NFIC: variants seen among roughly 807,000 people sequenced by gnomAD.
NFIC encodes nuclear factor I C, also known as nuclear factor 1 C-type.
In NFIC, 12 loss-of-function variants were observed where a neutral mutation model predicts 54.4. That is an observed-to-expected ratio of 0.22 (90% confidence interval 0.14 to 0.36). The LOEUF (loss-of-function observed/expected upper bound fraction) is 0.36. NFIC is among the 10% of genes least tolerant of loss of function. The probability of loss-of-function intolerance (pLI) is 1.00; values close to 1 mark genes in which losing one functional copy is unlikely to be tolerated. For missense variants in NFIC, 575 were observed against 718.2 expected (o/e 0.80, Z 2.28); for synonymous variants, 322 against 319.2 (o/e 1.01, Z -0.09).
At chr19:3,447,846 A>G (rs1286361684) in intron 6 of NFIC, among the ~76,000 whole-genome samples, 1 of 152,088 alleles carries the variant, frequency 6.6e-6, no homozygotes, top group Non-Finnish European at 1.5e-5. Flanking sequence ...AGGGAAGCCG[A>G]TGTTTGGTGG....
chr19:3,443,258 C>T (rs1194020475), intron 6 of NFIC, among the ~76,000 whole-genome samples: 1 of 151,886 alleles, frequency 6.6e-6, no homozygotes. Flanking sequence ...CCTGTCTCTA[C>T]AAAAAAATAC....
At chr19:3,414,465 C>T (rs999804049) in intron 2 of NFIC, among the ~76,000 whole-genome samples, 3 of 151,824 alleles carry the variant, frequency 2.0e-5, no homozygotes, top group Admixed American at 6.6e-5. Context: ...CGTGGTGGCA[C>T]GTGCCTGTAG....
chr19:3,404,475 C>T (rs1246976432), intron 2 of NFIC, among the ~76,000 whole-genome samples: 3 of 152,118 alleles, frequency 2.0e-5, no homozygotes, highest in South Asian at 2.1e-4. Context: ...TTGGCAAGGC[C>T]GCCCTGCTGT....
chr19:3,463,310 C>T lies in NFIC; in HGVS notation c.*541C>T. On this transcript the variant is annotated 3_prime_UTR_variant, in exon 11 of 11. Coordinates refer to ENST00000443272, the MANE Select transcript of NFIC (RefSeq NM_001245002.2). ...TGCCGGACACGGACCGGCCCCTCAG[C>T]CCCCACCGAGGACGCAGCCACTGGG... 1.0e-6 allele frequency: 1 copy of T among 987,702 alleles called. No homozygotes were observed. Among genetic ancestry groups the T allele is most frequent in the Non-Finnish European group, 1.2e-6 (1 of 831,684 alleles). The allele number at this position is 987,702 out of a possible 1,614,324, so 61.2% of individuals were successfully genotyped here.
intron 2 of NFIC, among the ~76,000 whole-genome samples, chr19:3,413,913 C>T (rs1466199747): frequency 6.6e-6 from 1 of 152,054 alleles, no homozygotes; most frequent in African/African-American, 2.4e-5. Flanking sequence ...CCTAGCATTT[C>T]AACGACCTGA....
chr19:3,368,114 C>G (rs145493257), intron 1 of NFIC, among the ~76,000 whole-genome samples: 27 of 152,186 alleles, frequency 1.8e-4, no homozygotes, highest in Admixed American at 4.6e-4. Flanking sequence ...TCTCCAAGAA[C>G]AACTAGGGTT....
intron 10 of NFIC, chr19:3,456,957 A>C: frequency 5.0e-6 from 2 of 402,874 alleles, no homozygotes; most frequent in Non-Finnish European, 9.5e-6. Flanking sequence ...AGATGGGAAA[A>C]CTGAGGCCCA....
chr19:3,403,229 G>A (rs754164380), intron 2 of NFIC, among the ~76,000 whole-genome samples: 6 of 152,142 alleles, frequency 3.9e-5, no homozygotes, highest in Non-Finnish European at 8.8e-5. Flanking sequence ...GCTTGGGAAG[G>A]AGAAAGTTTC....
At chr19:3,373,435 C>T (rs1169810324) in intron 1 of NFIC, among the ~76,000 whole-genome samples, 1 of 137,724 alleles carries the variant, frequency 7.3e-6, no homozygotes, top group African/African-American at 2.8e-5. Context: ...CCTCCTCTCT[C>T]TTTCCCCCTT....
At chr19:3,410,105 A>G (rs886834688) in intron 2 of NFIC, among the ~76,000 whole-genome samples, 5 of 151,480 alleles carry the variant, frequency 3.3e-5, no homozygotes, top group African/African-American at 1.2e-4. Flanking sequence ...CAGTGGTTCG[A>G]TCTCGGCTCA....
At chr19:3,446,579 C>T (rs561621044) in intron 6 of NFIC, among the ~76,000 whole-genome samples, 2 of 152,198 alleles carry the variant, frequency 1.3e-5, no homozygotes, top group Non-Finnish European at 2.9e-5. Context: ...TTTGGATGGT[C>T]TCAGTAGATA....
At position 3,464,645 on chromosome 19, in the gene NFIC, C is replaced by A; in HGVS notation, c.*1876C>A. On this transcript the variant is annotated 3_prime_UTR_variant, in exon 11 of 11. Coordinates refer to ENST00000443272, the MANE Select transcript of NFIC (RefSeq NM_001245002.2). The stretch of plus-strand genomic sequence containing the variant: ...GTCTCCGGGTCTCACCTGCTCCTAG[C>A]CTCACCCCCCTGCCCCCGAAAACCA... 1 of 983,802 alleles carries A rather than the reference C, an allele frequency of 1.0e-6. No homozygotes were observed. Among genetic ancestry groups the A allele is most frequent in the Non-Finnish European group, 1.2e-6 (1 of 829,192 alleles). The allele number at this position is 983,802 out of a possible 1,614,324, so 60.9% of individuals were successfully genotyped here. A position where few individuals can be genotyped will look rare whatever the true frequency, so the allele number is the denominator to read the frequency against.
intron 2 of NFIC, among the ~76,000 whole-genome samples, chr19:3,403,532 A>G (rs1483098613): frequency 6.6e-6 from 1 of 152,174 alleles, no homozygotes; most frequent in Non-Finnish European, 1.5e-5. Flanking sequence ...CATGGAGTCT[A>G]TTCTCCTGAC....
At chr19:3,365,927 A>G (rs1010190253), upstream of NFIC, among the ~76,000 whole-genome samples, 1 of 152,174 alleles carries the variant, frequency 6.6e-6, no homozygotes. Flanking sequence ...TGGGGGGAGA[A>G]GGGAGCCAGG....
At position 3,459,033 on chromosome 19, in the gene NFIC, G is replaced by A. The variant is rs954820971; in HGVS notation, c.1509+2398G>A. 3.0e-4 allele frequency among the ~76,000 whole-genome samples: 45 copies of A among 152,064 alleles called. No homozygotes were observed. Among genetic ancestry groups the A allele is most frequent in the African/African-American group, 9.9e-4 (41 of 41,390 alleles). On this transcript the variant is annotated intron_variant, in intron 10 of 10. Coordinates refer to ENST00000443272, the MANE Select transcript of NFIC (RefSeq NM_001245002.2). This position sits in a 1 kb window ranked among gnomAD's most constrained non-coding sequence, Gnocchi z 4.2. ...GACCCCGGAGAGAGGGAGGGAAGAA[G>A]CAGTGAGATCCCGCTCTCCCCTCTC...
chr19:3,417,889 C>T (rs1376236758), intron 2 of NFIC, among the ~76,000 whole-genome samples: 3 of 150,578 alleles, frequency 2.0e-5, no homozygotes, highest in African/African-American at 7.3e-5. Context: ...CCGCCCGCCT[C>T]GGCCTGTCAG....
intron 6 of NFIC, among the ~76,000 whole-genome samples, chr19:3,435,673 T>G (rs1188258137): frequency 1.3e-5 from 2 of 152,090 alleles, no homozygotes; most frequent in African/African-American, 4.8e-5. Flanking sequence ...TTTAACCAGG[T>G]TCCCATCTCC....
chr19:3,364,396 C>T (rs1489464948), upstream of NFIC, among the ~76,000 whole-genome samples: 4 of 152,164 alleles, frequency 2.6e-5, no homozygotes, highest in African/African-American at 9.7e-5. Flanking sequence ...TGCAGAGAGA[C>T]GAAGCTGCTG....
intron 1 of NFIC, among the ~76,000 whole-genome samples, chr19:3,379,849 TA>T (rs1224582926): frequency 4.6e-5 from 7 of 151,248 alleles, no homozygotes. Flanking sequence ...ATCACCTAGC[TA>T]AGTTTTGATT....
Sources: gnomAD v4.1 joint callset for allele counts (sites outside exome capture counted in the v4.1 genomes callset) on GRCh38, gnomAD v4.1.1 for gene constraint, Gnocchi (gnomAD v3.1) non-coding constraint, MANE v1.5 for transcripts, NCBI Gene and HGNC (gene_info 2026-07-23, HGNC 2026-07-21) for gene names.